OR1J2: variants seen among roughly 807,000 people sequenced by gnomAD.
OR1J2 encodes the protein olfactory receptor 1J2.
For synonymous variants in OR1J2, 142 were observed against 99.7 expected, an observed-to-expected ratio of 1.42 and a Z score of -2.52; for missense variants, 304 against 246.1, an observed-to-expected ratio of 1.24 and a Z score of -1.57.
At chr9:122,522,359 A>C in the OR1J2 span, among the ~76,000 whole-genome samples, 1 of 152,208 alleles carries the variant, frequency 6.6e-6, no homozygotes, top group African/African-American at 2.4e-5. Flanking sequence ...GGGAGGAATC[A>C]AAACATCCTA....
At chr9:122,526,544 A>T in the OR1J2 span, 1 of 1,611,232 alleles carries the variant, frequency 6.2e-7, no homozygotes. Context: ...AGAGGGTCCC[A>T]TAGAACACAC....
chr9:122,571,270 T>G, the OR1J2 span, among the ~76,000 whole-genome samples: 15 of 152,054 alleles, frequency 9.9e-5, no homozygotes, highest in African/African-American at 3.1e-4. Flanking sequence ...TGGCCATGCA[T>G]GCCGGGCGCG....
chr9:122,531,866 GA>G, the OR1J2 span, among the ~76,000 whole-genome samples: 1 of 152,160 alleles, frequency 6.6e-6, no homozygotes, highest in East Asian at 1.9e-4. Context: ...GGCCTTCTTA[GA>G]ACCTGTGGGA....
the OR1J2 span, among the ~76,000 whole-genome samples, chr9:122,521,699 G>A: frequency 2.0e-5 from 3 of 152,126 alleles, no homozygotes; most frequent in Non-Finnish European, 2.9e-5. Flanking sequence ...GATAGCCTCA[G>A]CACAATCATG....
chr9:122,549,925 A>G, the OR1J2 span, among the ~76,000 whole-genome samples: 1 of 152,090 alleles, frequency 6.6e-6, no homozygotes, highest in Admixed American at 6.6e-5. Context: ...TAGGAATTGC[A>G]TTGAATCTAT....
chr9:122,572,186 G>A, the OR1J2 span, among the ~76,000 whole-genome samples: 3,039 of 152,232 alleles, frequency 0.02, 47 homozygotes, highest in Middle Eastern at 0.027. Context: ...TGAGGGATCC[G>A]TCCCCATGAT....
chr9:122,511,986 A>G (rs1054142969), downstream of OR1J2, among the ~76,000 whole-genome samples: 1 of 152,222 alleles, frequency 6.6e-6, no homozygotes, highest in Non-Finnish European at 1.5e-5. Context: ...TGGAGAAGGG[A>G]CATAATAATG....
chr9:122,501,458 T>G, the OR1J2 span, among the ~76,000 whole-genome samples: 1 of 152,156 alleles, frequency 6.6e-6, no homozygotes. Context: ...TGGACAAGTT[T>G]CCGAAGCCTC....
the OR1J2 span, among the ~76,000 whole-genome samples, chr9:122,501,419 C>T: frequency 2.6e-5 from 4 of 152,122 alleles, no homozygotes; most frequent in Non-Finnish European, 5.9e-5. Context: ...TCACATAGGA[C>T]CCTGAGAATC....
the OR1J2 span, chr9:122,573,044 A>G: frequency 0.087 from 13,313 of 152,300 alleles, 684 homozygotes; most frequent in Middle Eastern, 0.13. Flanking sequence ...TGCACATCTC[A>G]GAAGGCAGGG....
the OR1J2 span, chr9:122,449,099 T>C: frequency 2.6e-5 from 4 of 151,920 alleles, no homozygotes; most frequent in Admixed American, 1.3e-4. Flanking sequence ...TAGGGATTGA[T>C]GAGACACAAC....
chr9:122,458,826 T>C, the OR1J2 span, among the ~76,000 whole-genome samples: 155 of 152,018 alleles, frequency 1.0e-3, no homozygotes, highest in African/African-American at 3.5e-3. Context: ...GAAATATTAC[T>C]CCTAAACTGC....
At chr9:122,553,467 G>A in the OR1J2 span, 1 of 1,613,924 alleles carries the variant, frequency 6.2e-7, no homozygotes, top group South Asian at 1.1e-5. Context: ...CAAAATGCTG[G>A]CCAACATTCA....
At chr9:122,574,776 T>C in the OR1J2 span, among the ~76,000 whole-genome samples, 1 of 152,126 alleles carries the variant, frequency 6.6e-6, no homozygotes, top group African/African-American at 2.4e-5. Flanking sequence ...CTGAATGTAA[T>C]GGGAAAGCTC....
At chr9:122,470,179 C>A in the OR1J2 span, among the ~76,000 whole-genome samples, 2 of 152,174 alleles carry the variant, frequency 1.3e-5, no homozygotes, top group African/African-American at 4.8e-5. Context: ...TCATAACAGA[C>A]CTGGAGGTCT....
At chr9:122,473,521 C>G in the OR1J2 span, among the ~76,000 whole-genome samples, 1 of 152,196 alleles carries the variant, frequency 6.6e-6, no homozygotes, top group Non-Finnish European at 1.5e-5. Flanking sequence ...AGAAAATTTA[C>G]AGATGGAAGA....
the OR1J2 span, among the ~76,000 whole-genome samples, chr9:122,549,589 A>G: frequency 1.3e-5 from 2 of 152,028 alleles, no homozygotes; most frequent in African/African-American, 2.4e-5. Flanking sequence ...TAGCAATCCA[A>G]TTTTCCTAGA....
chr9:122,562,919 A>C, the OR1J2 span, among the ~76,000 whole-genome samples: 1 of 152,166 alleles, frequency 6.6e-6, no homozygotes, highest in South Asian at 2.1e-4. Context: ...CCGTGTATCC[A>C]CTGATGGACA....
At chr9:122,510,695 G>C, upstream of OR1J2, 2 of 702,790 alleles carry the variant, frequency 2.8e-6, no homozygotes. Context: ...TCCTCTCCCT[G>C]TGTCTATGTT....
Sources: allele counts gnomAD v4.1 joint callset (sites outside exome capture counted in the v4.1 genomes callset), GRCh38; gene constraint gnomAD v4.1.1; transcripts MANE v1.5; gene names NCBI Gene and HGNC (gene_info 2026-07-23, HGNC 2026-07-21).